The following NAALAD2 variants were observed in gnomAD, a reference collection of about 807,000 sequenced individuals.
NAALAD2 encodes the protein N-acetylated alpha-linked acidic dipeptidase 2.
In NAALAD2, 89 loss-of-function variants were observed where a neutral mutation model predicts 95.6. The ratio of observed to expected loss-of-function variants is 0.93; its 90% confidence interval spans 0.78 to 1.11. The LOEUF (loss-of-function observed/expected upper bound fraction) is 1.11, where lower values mean the gene tolerates loss of function less well. Among genes scored for constraint, NAALAD2 ranks in the 50% least tolerant of loss-of-function variants. The pLI is 0.00. For synonymous variants in NAALAD2, 264 were observed against 294.4 expected, an observed-to-expected ratio of 0.90 and a Z score of 1.06; for missense variants, 894 against 872.4, an observed-to-expected ratio of 1.02 and a Z score of -0.31.
intron 13 of NAALAD2, 115 bp from the exon 14 acceptor site, chr11:90,173,709 A>G: frequency 1.6e-6 from 1 of 630,806 alleles, no homozygotes. Flanking sequence ...ATAAATATAT[A>G]CATGTACATA....
chr11:90,149,586 C>T (rs1224458689), intron 4 of NAALAD2, among the ~76,000 whole-genome samples: 2 of 151,984 alleles, frequency 1.3e-5, no homozygotes, highest in Non-Finnish European at 2.9e-5. Flanking sequence ...AGGTGCATGC[C>T]GCCACATCCT....
intron 17 of NAALAD2, 41 bp downstream of exon 17, chr11:90,181,742 AGC>A: frequency 2.5e-6 from 3 of 1,177,720 alleles, no homozygotes; most frequent in South Asian, 1.3e-5. Flanking sequence ...AAAAAAAAAA[AGC>A]AATCTGGTTA....
At chr11:90,135,937 A>G (rs1951446065) in intron 2 of NAALAD2, among the ~76,000 whole-genome samples, 1 of 152,016 alleles carries the variant, frequency 6.6e-6, no homozygotes, top group Non-Finnish European at 1.5e-5. Context: ...GATCTAACTG[A>G]ATGTTATTCT....
chr11:90,133,807 A>C (rs900251786), upstream of NAALAD2, among the ~76,000 whole-genome samples: 9 of 150,386 alleles, frequency 6.0e-5, no homozygotes, highest in African/African-American at 2.0e-4. Flanking sequence ...AGTTCGGTTA[A>C]TGAAAACTCA....
chr11:90,167,364 C>T (rs1178772155), intron 11 of NAALAD2, among the ~76,000 whole-genome samples: 1 of 152,212 alleles, frequency 6.6e-6, no homozygotes. Context: ...TCTCGCTGGG[C>T]CTTAGCTGCC....
chr11:90,154,701 CA>C (rs1482737231), intron 6 of NAALAD2, among the ~76,000 whole-genome samples: 2 of 150,822 alleles, frequency 1.3e-5, no homozygotes, highest in African/African-American at 4.9e-5. Context: ...AGAATGGGTT[CA>C]ATGTTGTCTA....
intron 6 of NAALAD2, among the ~76,000 whole-genome samples, chr11:90,155,045 ATATAT>A (rs1426619961): frequency 7.9e-6 from 1 of 126,644 alleles, no homozygotes; most frequent in Non-Finnish European, 1.5e-5. Context: ...ATATGTGTGT[ATATAT>A]TATATACATA....
intron 3 of NAALAD2, among the ~76,000 whole-genome samples, chr11:90,147,720 A>C (rs1397959721): frequency 6.6e-6 from 1 of 152,162 alleles, no homozygotes; most frequent in East Asian, 1.9e-4. Flanking sequence ...AGACAATGGA[A>C]TACTTCAGAC....
chr11:90,190,712 C>G (rs10765271), intron 18 of NAALAD2, among the ~76,000 whole-genome samples: 64,319 of 151,768 alleles, frequency 0.42, 14,169 homozygotes, highest in East Asian at 0.59. Flanking sequence ...ATTTAAAAGC[C>G]AAGATAATAA....
At chr11:90,177,594 T>TTTTG (rs1952836212) in intron 15 of NAALAD2, among the ~76,000 whole-genome samples, 1 of 47,606 alleles carries the variant, frequency 2.1e-5, no homozygotes, top group Admixed American at 2.8e-4. Flanking sequence ...TTGTTTTTTT[T>TTTTG]TTTTTTTTTT....
chr11:90,180,547 T>C (rs1952931297), intron 16 of NAALAD2, among the ~76,000 whole-genome samples: 3 of 151,928 alleles, frequency 2.0e-5, no homozygotes, highest in Admixed American at 6.5e-5. Context: ...GTAATAGAAA[T>C]AGAAATTCTT....
At chr11:90,190,274 T>G (rs2135004112) in intron 18 of NAALAD2, among the ~76,000 whole-genome samples, 1 of 152,302 alleles carries the variant, frequency 6.6e-6, no homozygotes, top group East Asian at 1.9e-4. Context: ...AAATAACCAG[T>G]GCAAGGCCAC....
intron 2 of NAALAD2, among the ~76,000 whole-genome samples, chr11:90,142,882 A>C (rs939026980): frequency 1.3e-5 from 2 of 151,916 alleles, no homozygotes; most frequent in Non-Finnish European, 2.9e-5. Flanking sequence ...TATACTTTTT[A>C]GTGGATACTC....
intron 2 of NAALAD2, among the ~76,000 whole-genome samples, chr11:90,136,809 G>T (rs546612303): frequency 6.6e-6 from 1 of 152,268 alleles, no homozygotes; most frequent in South Asian, 2.1e-4. Flanking sequence ...ATAAGCATAA[G>T]TTTAACTTTT....
At chr11:90,184,100 G>C (rs1200060743) in intron 18 of NAALAD2, among the ~76,000 whole-genome samples, 1 of 152,086 alleles carries the variant, frequency 6.6e-6, no homozygotes, top group Non-Finnish European at 1.5e-5. Flanking sequence ...CTTAAAGCAA[G>C]TAACTTCTAG....
intron 6 of NAALAD2, among the ~76,000 whole-genome samples, chr11:90,155,127 A>T (rs542108122): frequency 1.6e-4 from 21 of 129,068 alleles, no homozygotes; most frequent in Non-Finnish European, 2.3e-4. Context: ...GTGTATATAT[A>T]ATATACGTAT....
rs1491131053 is a variant in NAALAD2, at chr11:90,185,874, T to TTTTTA, written c.2033+2866_2033+2867insTTTTA. Among the ~76,000 whole-genome samples, 61 of 111,282 alleles carry TTTTTA rather than the reference T, an allele frequency of 5.5e-4. 1 individual carries two copies. The highest frequency in any genetic ancestry group is 1.6e-3 in the African/African-American group (57 of 34,652). The allele number at this position is 111,282 out of a possible 152,430, so 73.0% of individuals were successfully genotyped here. ...GGGTAAACACTTTTTTTTTTTTTTTTATATACATTTAAAATTTTATTTGTT... is the reference window on the plus strand; with the variant it reads ...GGGTAAACACTTTTTTTTTTTTTTTTTTTTAATATACATTTAAAATTTTATTTGTT... On this transcript the variant is annotated intron_variant, in intron 18 of 18. Coordinates refer to ENST00000534061, the MANE Select transcript of NAALAD2 (RefSeq NM_005467.4).
intron 12 of NAALAD2, 25 bp from the exon 13 acceptor site, chr11:90,170,044 A>G: frequency 1.5e-6 from 2 of 1,363,798 alleles, no homozygotes; most frequent in Non-Finnish European, 2.1e-6. Context: ...ATGAAATAAT[A>G]CTCTGTGTCT....
chr11:90,137,186 T>C (rs75812779), intron 2 of NAALAD2, among the ~76,000 whole-genome samples: 6,656 of 151,992 alleles, frequency 0.044, 181 homozygotes, highest in Middle Eastern at 0.11. Flanking sequence ...GAGAATAGAA[T>C]GATGGTTACC....
Sources: allele counts gnomAD v4.1 joint callset (sites outside exome capture counted in the v4.1 genomes callset), GRCh38; gene constraint gnomAD v4.1.1; transcripts MANE v1.5; gene names NCBI Gene and HGNC (gene_info 2026-07-23, HGNC 2026-07-21).